The following SLC8A1 variants were observed in gnomAD, a reference collection of about 807,000 sequenced individuals.
The protein encoded by SLC8A1 is solute carrier family 8 member A1.
In SLC8A1, 18 loss-of-function variants were observed where a neutral mutation model predicts 68.3. The ratio of observed to expected loss-of-function variants is 0.26; its 90% CI spans 0.18 to 0.39. The LOEUF (loss-of-function observed/expected upper bound fraction) is 0.39. Ranked by LOEUF, SLC8A1 falls within the 10% of genes least tolerant of loss-of-function variation. SLC8A1 has a pLI of 1.00. For missense variants in SLC8A1, 985 were observed against 1,156.7 expected, an observed-to-expected ratio of 0.85 and a Z score of 2.15; for synonymous variants, 475 against 415.5, an observed-to-expected ratio of 1.14 and a Z score of -1.74.
rs72936414 is a variant in SLC8A1 at position 40,509,407 on chromosome 2, C to G, written c.-25+2942G>C. Among the ~76,000 whole-genome samples the G allele has an allele frequency of 8.2e-3, 1,169 of 142,846 alleles. 17 individuals carry two copies. The highest frequency in any genetic ancestry group is 0.029 in the African/African-American group (1,111 of 38,242). The allele number at this position is 142,846 out of a possible 152,430, so 93.7% of individuals were successfully genotyped here. On this transcript the variant is annotated intron_variant, in intron 1 of 7. Transcript: ENST00000402441. ...TCAGGGACCACTCAGTGTCTCCCAG[C>G]TTTTAATCACCTGATCAAGGGGATT...
Position 40,177,717 on chromosome 2 carries a change from A to G in SLC8A1, c.1912+35T>C, listed in dbSNP as rs955808530. On this transcript the variant is annotated intron_variant, in intron 3 of 7. Coordinates refer to ENST00000406785, the Ensembl canonical transcript of SLC8A1. Reference sequence around the variant, plus strand: ...GGAGACACGGAGAGAGAAGAGTACAATTTCTCGCTGGTATGTCTTTGTTTA... The same window carrying G: ...GGAGACACGGAGAGAGAAGAGTACAGTTTCTCGCTGGTATGTCTTTGTTTA... 26 of 1,312,056 alleles carry G rather than the reference A, an allele frequency of 2.0e-5. No homozygotes were observed. The Admixed American group carries it at 3.6e-4, about 18-fold the overall frequency. 81.3% of individuals were successfully genotyped at this position (1,312,056 alleles called of 1,614,324 possible).
intron 2 of SLC8A1, among the ~76,000 whole-genome samples, chr2:40,280,053 C>G (rs2067289312): frequency 6.6e-6 from 1 of 151,868 alleles, no homozygotes; most frequent in East Asian, 1.9e-4. Flanking sequence ...CACTGAATAC[C>G]ATATTAAGGA....
chr2:40,437,092 T>C (rs780333512), intron 1 of SLC8A1, among the ~76,000 whole-genome samples: 2 of 152,188 alleles, frequency 1.3e-5, no homozygotes, highest in African/African-American at 4.8e-5. Context: ...GAAAAATAAA[T>C]GGTTCATGAA....
chr2:40,383,992 G>T lies in SLC8A1; in HGVS notation c.1808+44481C>A, dbSNP rs373269468. ...ATGGTAAGCACTGGCCAGGTGCAGT[G>T]ACTCACACCTGCAATCTCAACATTT... On this transcript the variant is annotated intron_variant, in intron 2 of 7. Transcript: ENST00000406785. Among the ~76,000 whole-genome samples, 200 of 152,170 alleles carry T rather than the reference G, an allele frequency of 1.3e-3. 5 individuals carry two copies. The South Asian group carries it at 0.04, about 30-fold the overall frequency.
chr2:40,216,020 T>TTTTTTC (rs1413160510), intron 2 of SLC8A1, among the ~76,000 whole-genome samples: 1 of 151,672 alleles, frequency 6.6e-6, no homozygotes, highest in African/African-American at 2.4e-5. Flanking sequence ...TGCTTTTTTT[T>TTTTTTC]TTTTACAATT....
At chr2:40,455,836 T>C (rs1319312688), upstream of SLC8A1, among the ~76,000 whole-genome samples, 2 of 152,182 alleles carry the variant, frequency 1.3e-5, no homozygotes, top group African/African-American at 4.8e-5. Flanking sequence ...CCTCACCCAG[T>C]TGTAAACCCT....
At chr2:40,378,855 T>A (rs561365901) in intron 2 of SLC8A1, among the ~76,000 whole-genome samples, 27 of 152,212 alleles carry the variant, frequency 1.8e-4, no homozygotes, top group African/African-American at 5.8e-4. Flanking sequence ...CAATGCCACC[T>A]CCTAGAGAGG....
intron 1 of SLC8A1, among the ~76,000 whole-genome samples, chr2:40,500,100 T>G (rs373131271): frequency 2.0e-5 from 3 of 152,030 alleles, no homozygotes; most frequent in East Asian, 3.9e-4. Context: ...ACATTAAATA[T>G]ATACCATCTT....
At chr2:40,388,728 T>C (rs1469958052) in intron 2 of SLC8A1, among the ~76,000 whole-genome samples, 1 of 152,170 alleles carries the variant, frequency 6.6e-6, no homozygotes, top group Non-Finnish European at 1.5e-5. Flanking sequence ...GCTCTTTTGG[T>C]GATGTGCAAA....
At chr2:40,415,911 C>CACAT (rs1330351002) in intron 2 of SLC8A1, among the ~76,000 whole-genome samples, 3 of 133,610 alleles carry the variant, frequency 2.2e-5, no homozygotes, top group Non-Finnish European at 3.2e-5. Flanking sequence ...CACACACACA[C>CACAT]ATTAGCTGGG....
At chr2:40,495,966 A>G (rs540770692) in intron 1 of SLC8A1, among the ~76,000 whole-genome samples, 8 of 152,234 alleles carry the variant, frequency 5.3e-5, no homozygotes, top group South Asian at 4.1e-4. Flanking sequence ...CTGTCTATCA[A>G]TCATTTATCT....
At chr2:40,477,557 G>C (rs554719562) in intron 1 of SLC8A1, among the ~76,000 whole-genome samples, 1 of 152,326 alleles carries the variant, frequency 6.6e-6, no homozygotes, top group African/African-American at 2.4e-5. Context: ...TTTGCGGAAG[G>C]AAGACAATCA....
At chr2:40,230,440 T>G (rs1478484317) in intron 2 of SLC8A1, among the ~76,000 whole-genome samples, 1 of 152,156 alleles carries the variant, frequency 6.6e-6, no homozygotes, top group Non-Finnish European at 1.5e-5. Flanking sequence ...AGCCACACAT[T>G]GCACCTTGGC....
chr2:40,238,660 C>T (rs927989210), intron 2 of SLC8A1, among the ~76,000 whole-genome samples: 2 of 152,126 alleles, frequency 1.3e-5, no homozygotes, highest in Non-Finnish European at 2.9e-5. Flanking sequence ...GCAATATTCC[C>T]CAAGCTAGAG....
At chr2:40,432,241 G>T (rs562684461) in intron 1 of SLC8A1, among the ~76,000 whole-genome samples, 1 of 151,732 alleles carries the variant, frequency 6.6e-6, no homozygotes, top group Non-Finnish European at 1.5e-5. Flanking sequence ...CTGTCTTCTA[G>T]ATCCTGAGAA....
exon 8 of SLC8A1, chr2:40,106,204 C>T (rs1572675907): frequency 2.6e-5 from 4 of 152,180 alleles, no homozygotes; most frequent in Admixed American, 2.6e-4. Context: ...TTTTCTCTCA[C>T]CATGTACAGT....
At chr2:40,404,249 T>C (rs150193454) in intron 2 of SLC8A1, among the ~76,000 whole-genome samples, 1 of 152,314 alleles carries the variant, frequency 6.6e-6, no homozygotes, top group East Asian at 1.9e-4. Context: ...AAGAAAGGCT[T>C]CTTTGTACAC....
intron 2 of SLC8A1, among the ~76,000 whole-genome samples, chr2:40,232,344 CAG>C (rs1558866994): frequency 6.6e-6 from 1 of 151,028 alleles, no homozygotes; most frequent in East Asian, 1.9e-4. Flanking sequence ...TGATTACAGA[CAG>C]ATTGTATTAT....
Position 40,200,246 on chromosome 2 carries a change from AT to A in SLC8A1, c.1809-22392del, listed in dbSNP as rs1573965374. 1.1e-3 allele frequency among the ~76,000 whole-genome samples: 20 copies of A among 17,550 alleles called. 4 individuals are homozygous for A. Among genetic ancestry groups the A allele is most frequent in the South Asian group, 3.7e-3 (2 of 546 alleles). The allele number at this position is 17,550 out of a possible 152,430, so 11.5% of individuals were successfully genotyped here. A position where few individuals can be genotyped will look rare whatever the true frequency, so the allele number is the denominator to read the frequency against. On this transcript the variant is annotated intron_variant, in intron 2 of 7. Transcript: ENST00000406785. ...TTTTTATATATATATATAAATATAT[AT>A]ATATATATATATATATATATAACCT...
Sources: gnomAD v4.1 joint callset for allele counts (sites outside exome capture counted in the v4.1 genomes callset) on GRCh38, gnomAD v4.1.1 for gene constraint, MANE v1.5 for transcripts, NCBI Gene and HGNC (gene_info 2026-07-23, HGNC 2026-07-21) for gene names.